The following DLGAP2 variants were observed in gnomAD, a reference collection of about 807,000 sequenced individuals.
The protein encoded by DLGAP2 is disks large-associated protein 2.
A neutral mutation model predicts 100.3 loss-of-function variants in DLGAP2; 26 were observed. That is an observed-to-expected ratio of 0.26 (90% confidence interval 0.19 to 0.36). The LOEUF (loss-of-function observed/expected upper bound fraction) is 0.36, where lower values mean the gene tolerates loss of function less well. DLGAP2 is among the 10% of genes least tolerant of loss of function. DLGAP2 has a pLI of 1.00. For synonymous variants in DLGAP2, 886 were observed against 630.1 expected, an observed-to-expected ratio of 1.41 and a Z score of -6.08; for missense variants, 1,858 against 1,453.2, an observed-to-expected ratio of 1.28 and a Z score of -4.53.
chr8:983,150 T>A (rs553423109), intron 2 of DLGAP2, among the ~76,000 whole-genome samples: 2 of 152,354 alleles, frequency 1.3e-5, no homozygotes, highest in South Asian at 2.1e-4. Context: ...CCCATTTAGA[T>A]AATGTTCTCT....
At chr8:1,504,003 G>A (rs567386277) in intron 4 of DLGAP2, among the ~76,000 whole-genome samples, 46 of 152,312 alleles carry the variant, frequency 3.0e-4, no homozygotes, top group African/African-American at 1.1e-3. Flanking sequence ...GTGCAGAAGT[G>A]CACCTCGTGA....
intron 2 of DLGAP2, among the ~76,000 whole-genome samples, chr8:1,253,437 G>A (rs894748054): frequency 3.3e-5 from 5 of 152,254 alleles, no homozygotes; most frequent in African/African-American, 9.6e-5. Context: ...CATGCGCTCG[G>A]CTTCACAGAC....
chr8:1,683,009 T>C (rs1206405101), intron 12 of DLGAP2, among the ~76,000 whole-genome samples: 6 of 151,528 alleles, frequency 4.0e-5, no homozygotes, highest in Admixed American at 3.3e-4. Flanking sequence ...CCATAGATAT[T>C]TATTGATTAC....
At chr8:972,469 G>A (rs574184414) in intron 2 of DLGAP2, among the ~76,000 whole-genome samples, 4 of 152,264 alleles carry the variant, frequency 2.6e-5, no homozygotes, top group Admixed American at 2.6e-4. Context: ...AAACATAGCT[G>A]GGCATAAAAA....
intron 3 of DLGAP2, among the ~76,000 whole-genome samples, chr8:1,447,772 C>T (rs1392592967): frequency 3.3e-5 from 5 of 152,130 alleles, no homozygotes; most frequent in Admixed American, 6.6e-5. Context: ...GAGCCTGTTA[C>T]TGGTCTATTC....
rs1057450493 is a variant in DLGAP2 at position 1,296,805 on chromosome 8, A to G, written c.106+37922A>G. On this transcript the variant is annotated intron_variant, in intron 3 of 14. Coordinates refer to ENST00000637795, the MANE Select transcript of DLGAP2 (RefSeq NM_001346810.2). ...GATGTGCAGATGGTGTGGTGGGTGC[A>G]CAGCCGCACCGGAGCGGCCCCCGAA... Among the ~76,000 whole-genome samples, 8 of 152,274 alleles carry G rather than the reference A, an allele frequency of 5.3e-5. No homozygotes were observed. The East Asian group carries it at 5.8e-4, about 11-fold the overall frequency.
intron 3 of DLGAP2, among the ~76,000 whole-genome samples, chr8:1,278,327 C>G (rs1050233525): frequency 6.6e-6 from 1 of 152,234 alleles, no homozygotes; most frequent in Admixed American, 6.5e-5. Context: ...TGGTCCTTGA[C>G]TTGAAAGAGC....
intron 2 of DLGAP2, among the ~76,000 whole-genome samples, chr8:928,070 G>A (rs908840941): frequency 4.6e-5 from 7 of 152,184 alleles, no homozygotes; most frequent in African/African-American, 7.2e-5. Flanking sequence ...CAGGGCTGAG[G>A]GTCTCATGGT....
intron 2 of DLGAP2, among the ~76,000 whole-genome samples, chr8:1,193,240 A>G (rs542700920): frequency 6.6e-6 from 1 of 152,300 alleles, no homozygotes; most frequent in East Asian, 1.9e-4. Flanking sequence ...TCCTTGAGGA[A>G]TCGCCACACC....
At chr8:1,070,061 A>G (rs1327239173) in intron 2 of DLGAP2, among the ~76,000 whole-genome samples, 3 of 152,180 alleles carry the variant, frequency 2.0e-5, no homozygotes, top group Non-Finnish European at 4.4e-5. Context: ...GCATATTCAA[A>G]CATTCTTTTC....
chr8:1,587,856 T>C (rs1218535216), intron 6 of DLGAP2, among the ~76,000 whole-genome samples: 1 of 152,216 alleles, frequency 6.6e-6, no homozygotes, highest in Non-Finnish European at 1.5e-5. Context: ...TTTCTAATTA[T>C]ATGAAGTCTT....
chr8:1,277,452 A>G (rs73670703), intron 3 of DLGAP2, among the ~76,000 whole-genome samples: 2,436 of 152,300 alleles, frequency 0.016, 58 homozygotes, highest in African/African-American at 0.056. Flanking sequence ...CTGACCTGTG[A>G]TAGATGTGTG....
chr8:1,174,460 C>T (rs566198651), intron 2 of DLGAP2, among the ~76,000 whole-genome samples: 74 of 151,200 alleles, frequency 4.9e-4, no homozygotes, highest in Admixed American at 3.7e-3. Context: ...AAATCATTAT[C>T]GTCATCATTA....
At chr8:1,267,118 G>C (rs1205101913) in intron 3 of DLGAP2, among the ~76,000 whole-genome samples, 1 of 151,878 alleles carries the variant, frequency 6.6e-6, no homozygotes, top group Non-Finnish European at 1.5e-5. Flanking sequence ...TGTAGTCCCA[G>C]CTACCCCTGA....
intron 1 of DLGAP2, among the ~76,000 whole-genome samples, chr8:761,318 T>C (rs73537478): frequency 0.045 from 6,786 of 152,252 alleles, 510 homozygotes; most frequent in African/African-American, 0.16. Flanking sequence ...TGTCACTCAC[T>C]GGGGGTTTGA....
intron 12 of DLGAP2, among the ~76,000 whole-genome samples, chr8:1,681,832 T>A (rs1798955020): frequency 6.6e-6 from 1 of 152,134 alleles, no homozygotes; most frequent in South Asian, 2.1e-4. Context: ...AATCACAGAA[T>A]AGTAGCGGTG....
chr8:1,420,683 C>T (rs948410689), intron 3 of DLGAP2, among the ~76,000 whole-genome samples: 1 of 152,088 alleles, frequency 6.6e-6, no homozygotes, highest in Non-Finnish European at 1.5e-5. Context: ...GCCAAAATGC[C>T]CTCCACTCCA....
chr8:1,389,849 TCTGCCTTTTCATGAAAA>T (rs1203499675), intron 3 of DLGAP2, among the ~76,000 whole-genome samples: 2 of 151,964 alleles, frequency 1.3e-5, no homozygotes, highest in African/African-American at 2.4e-5. Flanking sequence ...CAGACCCAGA[TCTGCCTTTTCATGAAAA>T]TTGGAAGACA....
intron 3 of DLGAP2, among the ~76,000 whole-genome samples, chr8:1,378,527 C>G (rs901248319): frequency 6.6e-6 from 1 of 151,738 alleles, no homozygotes; most frequent in African/African-American, 2.4e-5. Flanking sequence ...CTGACCTCAC[C>G]TGTCCCTGAC....
Sources: allele counts gnomAD v4.1 joint callset (sites outside exome capture counted in the v4.1 genomes callset), GRCh38; gene constraint gnomAD v4.1.1; transcripts MANE v1.5; gene names NCBI Gene and HGNC (gene_info 2026-07-23, HGNC 2026-07-21).